AKAP10: variants seen among roughly 807,000 people sequenced by gnomAD.
AKAP10 encodes the protein A-kinase anchoring protein 10.
In AKAP10, 24 loss-of-function variants were observed where a neutral mutation model predicts 80.8. The observed-to-expected ratio is 0.30, with a 90% CI of 0.22 to 0.42. AKAP10 has a LOEUF of 0.42. AKAP10 is among the 10% of genes least tolerant of loss of function. The pLI is 1.00. For missense variants in AKAP10, 661 were observed against 794.9 expected (o/e 0.83, Z 2.03); for synonymous variants, 291 against 277.7 (o/e 1.05, Z -0.48).
intron 12 of AKAP10, among the ~76,000 whole-genome samples, chr17:19,917,363 C>A (rs1567752318): frequency 6.6e-6 from 1 of 152,132 alleles, no homozygotes; most frequent in Non-Finnish European, 1.5e-5. Context: ...ACAGAAGCTA[C>A]CTAAAGACAC....
chr17:19,934,008 G>C (rs1008009020), intron 9 of AKAP10, among the ~76,000 whole-genome samples: 5 of 152,018 alleles, frequency 3.3e-5, no homozygotes, highest in African/African-American at 1.2e-4. Context: ...TGCAACCTCT[G>C]CCTCCCGGGT....
Position 19,954,395 on chromosome 17 carries a change from C to CA in AKAP10, c.877+3618dup, listed in dbSNP as rs569877492. Among the ~76,000 whole-genome samples the CA allele has an allele frequency of 4.6e-3, 699 of 150,572 alleles. 3 individuals are homozygous for CA. Among genetic ancestry groups the CA allele is most frequent in the South Asian group, 8.6e-3 (41 of 4,790 alleles). On this transcript the variant is annotated intron_variant, in intron 4 of 14. Transcript: ENST00000225737. ...CTAGACATCCATATGTAAAAATAAA[C>CA]AAAAAACAAAAAATCTGACGTAACC... is the stretch of plus-strand genomic sequence containing the variant.
chr17:19,938,429 G>A (rs2043016866), intron 8 of AKAP10, among the ~76,000 whole-genome samples: 1 of 151,146 alleles, frequency 6.6e-6, no homozygotes, highest in Non-Finnish European at 1.5e-5. Context: ...TAGAGACGGG[G>A]TTTTACCATG....
Position 19,905,038 on chromosome 17 carries a change from T to G in AKAP10, c.*1189A>C, listed in dbSNP as rs1424211062. ...TATACATATATATATATATTTTTTT[T>G]TTTGCAAAGTCTGAGCAAAAGCAGT... On this transcript the variant is annotated 3_prime_UTR_variant, in exon 15 of 15. Coordinates refer to ENST00000225737, the MANE Select transcript of AKAP10 (RefSeq NM_007202.4). 3 of 150,558 alleles carry G rather than the reference T, an allele frequency of 2.0e-5. No homozygotes were observed. Among genetic ancestry groups the G allele is most frequent in the Non-Finnish European group, 4.4e-5 (3 of 67,712 alleles). The allele number at this position is 150,558 out of a possible 1,614,324, so 9.3% of individuals were successfully genotyped here. A position where few individuals can be genotyped will look rare whatever the true frequency, so the allele number is the denominator to read the frequency against.
rs561950511 is a variant in AKAP10 at position 19,937,288 on chromosome 17, G to A, written c.1323-858C>T. The stretch of plus-strand genomic sequence containing the variant: ...AGGCAGTGGTGGGTGGATCACTTGA[G>A]GTCAGGAGTTCAAGACCGGCCTGGC... On this transcript the variant is annotated intron_variant, in intron 8 of 14. Coordinates refer to ENST00000225737, the MANE Select transcript of AKAP10 (RefSeq NM_007202.4). Among the ~76,000 whole-genome samples the A allele has an allele frequency of 1.2e-4, 18 of 152,296 alleles. No homozygotes were observed. In the South Asian group the frequency reaches 3.5e-3, roughly 30 times the overall value.
At chr17:19,922,924 A>G (rs2042834161) in intron 11 of AKAP10, among the ~76,000 whole-genome samples, 1 of 152,156 alleles carries the variant, frequency 6.6e-6, no homozygotes, top group Admixed American at 6.5e-5. Flanking sequence ...AAACAAAAAC[A>G]TATATATTTA....
chr17:19,968,570 G>T, intron 1 of AKAP10, 109 bp from the exon 2 acceptor site: 1 of 916,736 alleles, frequency 1.1e-6, no homozygotes, highest in Non-Finnish European at 1.7e-6. Flanking sequence ...CAAAGTTCTA[G>T]AACAATGGAC....
At chr17:19,947,360 G>A in intron 5 of AKAP10, 47 bp downstream of exon 5, 1 of 1,414,880 alleles carries the variant, frequency 7.1e-7, no homozygotes, top group Non-Finnish European at 9.9e-7. Context: ...TCAGTTCTGT[G>A]CATTTTTTGT....
At chr17:19,926,814 A>T (rs1006728366) in intron 10 of AKAP10, among the ~76,000 whole-genome samples, 1 of 152,220 alleles carries the variant, frequency 6.6e-6, no homozygotes. Flanking sequence ...ATTAGAAGAC[A>T]ATACTGTTAA....
chr17:19,938,284 T>G (rs2043014803), intron 8 of AKAP10, among the ~76,000 whole-genome samples: 1 of 146,056 alleles, frequency 6.8e-6, no homozygotes, highest in African/African-American at 2.6e-5. Context: ...TCAGCCAGCC[T>G]GGAGTGCAGT....
rs558579150 is a variant in AKAP10 at position 19,967,011 on chromosome 17, C to A, written c.136+1403G>T. ...CTTTTTTCCCTAATTTTACAACTTG[C>A]CTAAGTTATAATTAGTCTTCTTCTC... On this transcript the variant is annotated intron_variant, in intron 2 of 14. Transcript: ENST00000225737. 7.2e-5 allele frequency among the ~76,000 whole-genome samples: 11 copies of A among 152,104 alleles called. No individual in the cohort carries two copies. The South Asian group carries it at 2.3e-3, about 32-fold the overall frequency.
At chr17:19,965,220 T>C (rs1296569140) in intron 2 of AKAP10, among the ~76,000 whole-genome samples, 2 of 152,220 alleles carry the variant, frequency 1.3e-5, no homozygotes, top group African/African-American at 4.8e-5. Flanking sequence ...AAACTCAAAA[T>C]CTTGGTCCCA....
intron 11 of AKAP10, among the ~76,000 whole-genome samples, chr17:19,922,198 C>T (rs1567754451): frequency 1.3e-5 from 2 of 152,018 alleles, no homozygotes; most frequent in Non-Finnish European, 2.9e-5. Flanking sequence ...CACTTGACGT[C>T]AAGAATAATG....
intron 11 of AKAP10, among the ~76,000 whole-genome samples, chr17:19,922,730 C>G (rs1303619439): frequency 1.3e-5 from 2 of 152,084 alleles, no homozygotes; most frequent in Non-Finnish European, 2.9e-5. Context: ...GAAACCCCAT[C>G]TCTACTAAAA....
At chr17:19,944,532 G>C (rs950011225) in intron 5 of AKAP10, among the ~76,000 whole-genome samples, 1 of 152,084 alleles carries the variant, frequency 6.6e-6, no homozygotes, top group Non-Finnish European at 1.5e-5. Context: ...GCGAGCGCCT[G>C]TAGTCCCAGC....
chr17:19,936,722 AAACT>A (rs2042996624), intron 8 of AKAP10, among the ~76,000 whole-genome samples: 1 of 152,240 alleles, frequency 6.6e-6, no homozygotes, highest in Non-Finnish European at 1.5e-5. Flanking sequence ...TGAGGCAAAG[AAACT>A]AACAATCACA....
rs71372298 is a variant in AKAP10 at position 19,946,273 on chromosome 17, A to G, written c.976+1134T>C. On this transcript the variant is annotated intron_variant, in intron 5 of 14. Coordinates refer to ENST00000225737, the MANE Select transcript of AKAP10 (RefSeq NM_007202.4). ...TATATATATATATATATATATATAT[A>G]TATTTTTTTTTTTTTTTTTTTTTTT... Among the ~76,000 whole-genome samples the G allele has an allele frequency of 6.7e-3, 132 of 19,808 alleles. 16 individuals carry two copies. Among genetic ancestry groups the G allele is most frequent in the African/African-American group, 0.022 (109 of 5,004 alleles). The allele number at this position is 19,808 out of a possible 152,430, so 13.0% of individuals were successfully genotyped here. A position where few individuals can be genotyped will look rare whatever the true frequency, so the allele number is the denominator to read the frequency against.
In AKAP10 at chr17:19,905,819, T is replaced by TG. The variant is rs1167667790; in HGVS notation, c.*407dup. On this transcript the variant is annotated 3_prime_UTR_variant, in exon 15 of 15. Transcript: ENST00000225737. ...GACAAAGCAAACCACCTCTGGCACCTGCTTTACAATGCTGATTAGGGATGA... is the reference window on the plus strand; with the variant it reads ...GACAAAGCAAACCACCTCTGGCACCTGGCTTTACAATGCTGATTAGGGATGA... 1.2e-5 allele frequency: 2 copies of TG among 161,364 alleles called. No homozygotes were observed. Among genetic ancestry groups the TG allele is most frequent in the Non-Finnish European group, 2.7e-5 (2 of 73,522 alleles). The allele number at this position is 161,364 out of a possible 1,614,324, so 10.0% of individuals were successfully genotyped here.
At chr17:19,911,241 C>T (rs2042686429) in intron 12 of AKAP10, among the ~76,000 whole-genome samples, 2 of 151,986 alleles carry the variant, frequency 1.3e-5, no homozygotes, top group Non-Finnish European at 2.9e-5. Flanking sequence ...CTCGTCAGGC[C>T]CCCCTGCAGA....
Sources: allele counts gnomAD v4.1 joint callset (sites outside exome capture counted in the v4.1 genomes callset), GRCh38; gene constraint gnomAD v4.1.1; transcripts MANE v1.5; gene names NCBI Gene and HGNC (gene_info 2026-07-23, HGNC 2026-07-21).